TLE2: variants seen among roughly 807,000 people sequenced by gnomAD.
TLE2 encodes TLE family member 2, transcriptional corepressor, also known as transducin-like enhancer protein 2.
In TLE2, 74 loss-of-function variants were observed where a neutral mutation model predicts 97.2. The observed-to-expected ratio is 0.76, with a 90% confidence interval of 0.63 to 0.92. TLE2 has a LOEUF of 0.92. TLE2 is among the 40% of genes least tolerant of loss of function. The pLI is 0.00. For synonymous variants in TLE2, 499 were observed against 432.1 expected (o/e 1.15, Z -1.92); for missense variants, 1,038 against 1,008.7 (o/e 1.03, Z -0.39).
At chr19:3,028,230 G>T (rs2089977872) in intron 3 of TLE2, 89 bp downstream of exon 3, 2 of 1,334,610 alleles carry the variant, frequency 1.5e-6, no homozygotes, top group Admixed American at 2.0e-5. Context: ...GACGAGGTTC[G>T]GAGTGGGGCA....
At chr19:3,013,555 T>G in intron 11 of TLE2, 114 bp downstream of exon 11, 12 of 1,049,828 alleles carry the variant, frequency 1.1e-5, no homozygotes, top group Non-Finnish European at 1.5e-5. Flanking sequence ...GGGTGGACAA[T>G]GCCAGCCCGG....
intron 11 of TLE2, among the ~76,000 whole-genome samples, chr19:3,013,019 CG>C (rs1194745207): frequency 6.6e-6 from 1 of 152,086 alleles, no homozygotes; most frequent in Non-Finnish European, 1.5e-5. Context: ...CAACCTCTGG[CG>C]GTTGCCATGG....
intron 5 of TLE2, among the ~76,000 whole-genome samples, chr19:3,020,858 G>A (rs1463097473): frequency 1.3e-5 from 2 of 152,068 alleles, no homozygotes; most frequent in Non-Finnish European, 2.9e-5. Context: ...GGCCAAGGCA[G>A]GTGGATCACT....
rs1433247765 is a variant in TLE2, at chr19:3,028,695, G to GC, written c.122+10dup. The GC allele has an allele frequency of 3.1e-6, 5 of 1,612,194 alleles. No homozygotes were observed. The highest frequency in any genetic ancestry group is 1.7e-5 in the Admixed American group (1 of 60,000). ...GTGAACTCCCGCGGCCCCTGGGGCG[G>GC]CCCCCCTCACCTGTGGTATTGAGCC... On this transcript the variant is annotated intron_variant, in intron 2 of 19. Coordinates refer to ENST00000262953, the MANE Select transcript of TLE2 (RefSeq NM_003260.5).
intron 1 of TLE2, among the ~76,000 whole-genome samples, chr19:3,038,809 CT>C (rs2090079325): frequency 6.6e-6 from 1 of 152,178 alleles, no homozygotes; most frequent in South Asian, 2.1e-4. Flanking sequence ...CTTTGGAAGG[CT>C]GAGGCGGGCG....
At chr19:3,045,372 T>C (rs949579732) in intron 1 of TLE2, among the ~76,000 whole-genome samples, 1 of 152,170 alleles carries the variant, frequency 6.6e-6, no homozygotes, top group African/African-American at 2.4e-5. Flanking sequence ...ACTGAGGCAG[T>C]GACTACGGGG....
chr19:3,006,412 G>C lies in TLE2; in HGVS notation c.1500+8C>G. 6.2e-7 allele frequency: 1 copy of C among 1,601,162 alleles called. No individual in the cohort carries two copies. The highest frequency in any genetic ancestry group is 8.5e-7 in the Non-Finnish European group (1 of 1,175,042). On this transcript the variant is annotated splice_region_variant and intron_variant, in intron 15 of 19. Coordinates refer to ENST00000262953, the MANE Select transcript of TLE2 (RefSeq NM_003260.5). Reference sequence around the variant, plus strand: ...TGAGTCCCGCCCACTGTCCCACCCCGCCCTCACCAGGCAGTCGAGCTGGGC... The same window carrying C: ...TGAGTCCCGCCCACTGTCCCACCCCCCCCTCACCAGGCAGTCGAGCTGGGC...
chr19:3,027,238 T>G (rs1447987672), intron 4 of TLE2, among the ~76,000 whole-genome samples: 1 of 152,252 alleles, frequency 6.6e-6, no homozygotes, highest in African/African-American at 2.4e-5. Context: ...CTTACGACAC[T>G]GGAGTCAATC....
chr19:3,002,186 T>A (rs1239960243), intron 18 of TLE2, among the ~76,000 whole-genome samples, 167 bp downstream of exon 18: 2 of 152,166 alleles, frequency 1.3e-5, no homozygotes, highest in African/African-American at 4.8e-5. Context: ...TATAAGTATA[T>A]CCCACACACC....
chr19:3,045,029 C>T (rs142935933), intron 1 of TLE2, among the ~76,000 whole-genome samples: 1 of 152,022 alleles, frequency 6.6e-6, no homozygotes, highest in East Asian at 1.9e-4. Flanking sequence ...ACCAGCCTGG[C>T]CAACATGGCA....
intron 19 of TLE2, among the ~76,000 whole-genome samples, chr19:2,999,022 A>C (rs969889272): frequency 1.7e-4 from 26 of 152,168 alleles, no homozygotes; most frequent in Non-Finnish European, 3.5e-4. Flanking sequence ...AAGGGTTGGC[A>C]CGGTGGCTCG....
At chr19:3,000,266 G>A (rs1043468915) in intron 19 of TLE2, among the ~76,000 whole-genome samples, 2 of 151,200 alleles carry the variant, frequency 1.3e-5, no homozygotes, top group African/African-American at 4.9e-5. Flanking sequence ...TAGTAGAGAC[G>A]GGTTTTCACC....
chr19:3,046,911 C>A (rs1169989200), upstream of TLE2, among the ~76,000 whole-genome samples: 1 of 128,168 alleles, frequency 7.8e-6, no homozygotes, highest in South Asian at 2.5e-4. Context: ...CCCCTCCTCC[C>A]TCTCCTCCTC....
upstream of TLE2, chr19:3,029,524 G>T: frequency 1.1e-6 from 1 of 943,624 alleles, no homozygotes; most frequent in Non-Finnish European, 1.3e-6. Flanking sequence ...AAAAACCAGT[G>T]AAGAAATTCA....
At chr19:3,015,149 C>T (rs979118104) in intron 9 of TLE2, among the ~76,000 whole-genome samples, 1 of 151,358 alleles carries the variant, frequency 6.6e-6, no homozygotes, top group African/African-American at 2.4e-5. Context: ...GCCTGCCAGT[C>T]TCCGGGGATC....
Position 3,000,736 on chromosome 19 carries a change from G to A in TLE2, c.2048-13C>T. 1.3e-6 allele frequency: 2 copies of A among 1,571,474 alleles called. No individual in the cohort carries two copies. The highest frequency in any genetic ancestry group is 8.6e-7 in the Non-Finnish European group (1 of 1,158,496). On this transcript the variant is annotated splice_polypyrimidine_tract_variant and intron_variant, in intron 18 of 19. Coordinates refer to ENST00000262953, the MANE Select transcript of TLE2 (RefSeq NM_003260.5). ...ACAAACCACCGTCCTTGGGGAAGGAGAGCAGCAGGGTTCAAGGAGGGGGCA... is the reference window on the plus strand; with the variant it reads ...ACAAACCACCGTCCTTGGGGAAGGAAAGCAGCAGGGTTCAAGGAGGGGGCA...
chr19:3,009,064 T>C (rs2089536207), intron 13 of TLE2, 119 bp from the exon 14 acceptor site: 1 of 723,740 alleles, frequency 1.4e-6, no homozygotes, highest in Non-Finnish European at 2.2e-6. Context: ...GCAGCAGAGA[T>C]GCCTTCTCTC....
At chr19:3,015,563 T>G in intron 9 of TLE2, 90 bp downstream of exon 9, 1 of 1,001,428 alleles carries the variant, frequency 1.0e-6, no homozygotes, top group Non-Finnish European at 1.5e-6. Context: ...GAGAGAATTA[T>G]GGCCAGAGCT....
At chr19:3,004,195 G>A (rs778081877) in intron 17 of TLE2, among the ~76,000 whole-genome samples, 4 of 152,152 alleles carry the variant, frequency 2.6e-5, no homozygotes, top group Non-Finnish European at 4.4e-5. Context: ...AAGTGTTTCT[G>A]TGTAAAGACG....
Sources: allele counts gnomAD v4.1 joint callset (sites outside exome capture counted in the v4.1 genomes callset), GRCh38; gene constraint gnomAD v4.1.1; transcripts MANE v1.5; gene names NCBI Gene and HGNC (gene_info 2026-07-23, HGNC 2026-07-21).